The following WLS variants were observed in gnomAD, a reference collection of about 807,000 sequenced individuals.
WLS encodes the protein protein wntless homolog.
Under a neutral mutation model 62.8 loss-of-function variants are expected in WLS, and 23 were observed. That is an observed-to-expected ratio of 0.37 (90% CI 0.26 to 0.52). WLS has a LOEUF of 0.52. WLS is among the 20% of genes least tolerant of loss of function. The pLI, the probability that WLS is intolerant of heterozygous loss-of-function variation, is 0.92. For missense variants in WLS, 615 were observed against 697.3 expected (o/e 0.88, Z 1.33); for synonymous variants, 246 against 244.1 (o/e 1.01, Z -0.07).
At chr1:68,148,847 C>T (rs1454521653) in intron 6 of WLS, among the ~76,000 whole-genome samples, 187 bp from the exon 7 acceptor site, 1 of 152,066 alleles carries the variant, frequency 6.6e-6, no homozygotes, top group Non-Finnish European at 1.5e-5. Flanking sequence ...GTGGGGGAGT[C>T]TGGCACATAC....
At chr1:68,115,492 C>T (rs559503615) in intron 11 of WLS, among the ~76,000 whole-genome samples, 1 of 152,172 alleles carries the variant, frequency 6.6e-6, no homozygotes, top group East Asian at 1.9e-4. Flanking sequence ...TGAAGTCAGT[C>T]GGGCACAGCC....
chr1:68,207,377 A>G lies in WLS; in HGVS notation c.107-13150T>C, dbSNP rs116037903. ...AAGCTCAAGAGAGCTAAGTCTATTT[A>G]TTATTCAGAAGAAATGAAAGTCATA... On this transcript the variant is annotated intron_variant, in intron 1 of 11. Coordinates refer to ENST00000262348, the MANE Select transcript of WLS (RefSeq NM_024911.7). Among the ~76,000 whole-genome samples, 443 of 152,336 alleles carry G rather than the reference A, an allele frequency of 2.9e-3. 1 individual carries two copies. The highest frequency in any genetic ancestry group is 4.6e-3 in the Non-Finnish European group (311 of 68,022).
At chr1:68,201,407 G>A (rs1307230948) in intron 1 of WLS, among the ~76,000 whole-genome samples, 1 of 152,182 alleles carries the variant, frequency 6.6e-6, no homozygotes, top group Non-Finnish European at 1.5e-5. Context: ...AAATTGCTCT[G>A]AAGTTATAGT....
intron 2 of WLS, chr1:68,186,519 T>C (rs1647949669): frequency 2.5e-6 from 1 of 393,642 alleles, no homozygotes; most frequent in East Asian, 7.5e-5. Context: ...AAAAAATGGA[T>C]TGGTCTTGAC....
At chr1:68,197,308 T>C (rs1188882598) in intron 1 of WLS, among the ~76,000 whole-genome samples, 1 of 149,254 alleles carries the variant, frequency 6.7e-6, no homozygotes, top group Non-Finnish European at 1.5e-5. Flanking sequence ...GTCTAGTGTT[T>C]CTTCTATAAA....
At chr1:68,201,844 T>G (rs966225541) in intron 1 of WLS, 4 of 152,240 alleles carry the variant, frequency 2.6e-5, no homozygotes, top group Non-Finnish European at 4.4e-5. Context: ...TTAAAAATAG[T>G]TCTTTACAAT....
At chr1:68,231,018 C>T (rs770539633) in intron 1 of WLS, among the ~76,000 whole-genome samples, 9 of 152,198 alleles carry the variant, frequency 5.9e-5, no homozygotes, top group Non-Finnish European at 1.0e-4. Context: ...TCCGTGGACT[C>T]CCCACTCCGC....
chr1:68,183,969 T>G (rs1647751734), intron 2 of WLS, among the ~76,000 whole-genome samples: 1 of 152,168 alleles, frequency 6.6e-6, no homozygotes, highest in African/African-American at 2.4e-5. Flanking sequence ...TGGGTTCCAG[T>G]GTACAGCACA....
downstream of WLS, among the ~76,000 whole-genome samples, chr1:68,123,305 C>T (rs988289965): frequency 5.3e-5 from 8 of 152,154 alleles, no homozygotes; most frequent in Non-Finnish European, 8.8e-5. Flanking sequence ...GGACATCTAA[C>T]GTTGTTTCTT....
chr1:68,229,477 A>C (rs1454245722), intron 1 of WLS, among the ~76,000 whole-genome samples: 1 of 150,984 alleles, frequency 6.6e-6, no homozygotes, highest in Non-Finnish European at 1.5e-5. Context: ...AACAATGAGC[A>C]GCGGAGGAGT....
At chr1:68,200,605 C>A in intron 1 of WLS, among the ~76,000 whole-genome samples, 1 of 148,064 alleles carries the variant, frequency 6.8e-6, no homozygotes, top group South Asian at 2.1e-4. Flanking sequence ...TTTGAAACAA[C>A]AGCTGGGAAA....
At chr1:68,177,334 C>T (rs899064046) in intron 2 of WLS, among the ~76,000 whole-genome samples, 1 of 152,084 alleles carries the variant, frequency 6.6e-6, no homozygotes, top group African/African-American at 2.4e-5. Context: ...TATTTGTCTC[C>T]CAAGGTTAAA....
intron 1 of WLS, among the ~76,000 whole-genome samples, chr1:68,217,461 G>C (rs191152469): frequency 2.4e-4 from 36 of 152,312 alleles, no homozygotes; most frequent in African/African-American, 8.2e-4. Flanking sequence ...CATGAGGACA[G>C]AGCAAGCTTT....
chr1:68,155,576 G>T (rs1182753539), intron 3 of WLS, among the ~76,000 whole-genome samples: 2 of 152,036 alleles, frequency 1.3e-5, no homozygotes, highest in Non-Finnish European at 2.9e-5. Context: ...TTAGAACCTC[G>T]CATCTTACGA....
chr1:68,230,123 A>G (rs987671085), intron 1 of WLS, among the ~76,000 whole-genome samples: 1 of 151,978 alleles, frequency 6.6e-6, no homozygotes, highest in Non-Finnish European at 1.5e-5. Flanking sequence ...CATCCCAGAA[A>G]TCCTACTAGT....
chr1:68,140,407 A>T (rs568346936), intron 10 of WLS, among the ~76,000 whole-genome samples: 4 of 152,354 alleles, frequency 2.6e-5, no homozygotes, highest in Non-Finnish European at 5.9e-5. Flanking sequence ...CATAATGTAC[A>T]TTACAAATAC....
Position 68,155,950 on chromosome 1 carries a change from T to C in WLS, c.505-690A>G, listed in dbSNP as rs111721015. ...AAGATGGCAGAAGGGAATAGAAGTT[T>C]TAATGAAATAAGAATTTAGCCCAGT... On this transcript the variant is annotated intron_variant, in intron 3 of 11. Transcript: ENST00000262348. Among the ~76,000 whole-genome samples the C allele has an allele frequency of 3.3e-4, 50 of 152,276 alleles. 1 individual carries two copies. Among genetic ancestry groups the C allele is most frequent in the African/African-American group, 1.2e-3 (50 of 41,566 alleles).
At chr1:68,152,665 A>G (rs116741920) in intron 5 of WLS, among the ~76,000 whole-genome samples, 161 of 152,362 alleles carry the variant, frequency 1.1e-3, no homozygotes, top group African/African-American at 3.7e-3. Context: ...AAGAGAGAAC[A>G]GAGGAGAAGA....
In WLS at chr1:68,134,071, G is replaced by A. The variant is rs144263218; in HGVS notation, c.1516+3709C>T. 5.8e-3 allele frequency among the ~76,000 whole-genome samples: 886 copies of A among 152,276 alleles called. 12 individuals are homozygous for A. Among genetic ancestry groups the A allele is most frequent in the Admixed American group, 0.029 (437 of 15,296 alleles). ...CCCATGAGAATGGAAAAGGAGCATG[G>A]GAATGCTGGAGGTGGAGAGAGAATG... is the stretch of plus-strand genomic sequence containing the variant. On this transcript the variant is annotated intron_variant, in intron 11 of 11. Coordinates refer to ENST00000262348, the MANE Select transcript of WLS (RefSeq NM_024911.7).
Sources: gnomAD v4.1 joint callset for allele counts (sites outside exome capture counted in the v4.1 genomes callset) on GRCh38, gnomAD v4.1.1 for gene constraint, MANE v1.5 for transcripts, NCBI Gene and HGNC (gene_info 2026-07-23, HGNC 2026-07-21) for gene names.